CYTH3: variants seen among roughly 807,000 people sequenced by gnomAD.
CYTH3 encodes the protein cytohesin 3.
Under a neutral mutation model 55.1 loss-of-function variants are expected in CYTH3, and 23 were observed. The observed-to-expected ratio is 0.42, with a 90% CI of 0.30 to 0.59. The LOEUF is 0.59. CYTH3 is among the 20% of genes least tolerant of loss of function. The pLI is 0.20. For synonymous variants in CYTH3, 249 were observed against 194.9 expected, an observed-to-expected ratio of 1.28 and a Z score of -2.31; for missense variants, 413 against 524.8, an observed-to-expected ratio of 0.79 and a Z score of 2.08.
intron 1 of CYTH3, among the ~76,000 whole-genome samples, chr7:6,253,917 C>T (rs1780036761): frequency 6.6e-6 from 1 of 151,704 alleles, no homozygotes; most frequent in South Asian, 2.1e-4. Context: ...CACTTGAACC[C>T]GGGAGGCAGC....
chr7:6,245,519 C>G (rs1348636369), intron 1 of CYTH3, among the ~76,000 whole-genome samples: 1 of 152,174 alleles, frequency 6.6e-6, no homozygotes, highest in Non-Finnish European at 1.5e-5. Flanking sequence ...CCAGCGGGAG[C>G]AGGCTTCTTC....
At chr7:6,262,072 G>T (rs57303756) in intron 1 of CYTH3, among the ~76,000 whole-genome samples, 2 of 152,120 alleles carry the variant, frequency 1.3e-5, no homozygotes, top group Non-Finnish European at 2.9e-5. Context: ...CTCAATAAAC[G>T]AGTTCAACAG....
intron 1 of CYTH3, among the ~76,000 whole-genome samples, chr7:6,224,436 C>G (rs1177030654): frequency 6.6e-6 from 1 of 152,102 alleles, no homozygotes; most frequent in Non-Finnish European, 1.5e-5. Context: ...AACTGGACAT[C>G]CGCATGCAAA....
chr7:6,175,235 G>A (rs1192327233), intron 5 of CYTH3, among the ~76,000 whole-genome samples: 2 of 152,130 alleles, frequency 1.3e-5, no homozygotes, highest in African/African-American at 2.4e-5. Flanking sequence ...GTGAAGCAGT[G>A]GGAGTGGGGA....
chr7:6,226,340 G>A (rs1779250465), intron 1 of CYTH3, among the ~76,000 whole-genome samples: 1 of 152,168 alleles, frequency 6.6e-6, no homozygotes, highest in Admixed American at 6.5e-5. Flanking sequence ...GTCTTCTGCA[G>A]ATTGGATACA....
chr7:6,224,534 G>A (rs185989102), intron 1 of CYTH3, among the ~76,000 whole-genome samples: 7 of 152,198 alleles, frequency 4.6e-5, no homozygotes, highest in East Asian at 3.9e-4. Context: ...CTAAAACTAG[G>A]ATGGCTATAC....
chr7:6,185,777 A>G (rs928469371), intron 4 of CYTH3, among the ~76,000 whole-genome samples: 3 of 152,086 alleles, frequency 2.0e-5, no homozygotes, highest in Non-Finnish European at 4.4e-5. Context: ...AGCAGGAAAT[A>G]ACGACATGCA....
At chr7:6,221,451 A>C (rs931694862) in intron 1 of CYTH3, among the ~76,000 whole-genome samples, 16 of 152,168 alleles carry the variant, frequency 1.1e-4, no homozygotes, top group African/African-American at 3.9e-4. Flanking sequence ...AGTAGGAGGG[A>C]GCCTGATAAC....
intron 1 of CYTH3, among the ~76,000 whole-genome samples, chr7:6,224,703 C>G (rs1244605120): frequency 6.6e-6 from 1 of 152,198 alleles, no homozygotes; most frequent in African/African-American, 2.4e-5. Context: ...AATTCTACTT[C>G]TACGTATATA....
chr7:6,193,133 C>G (rs1783843581), intron 1 of CYTH3, among the ~76,000 whole-genome samples: 1 of 152,156 alleles, frequency 6.6e-6, no homozygotes, highest in Non-Finnish European at 1.5e-5. Context: ...GATCCCACCA[C>G]TGCACTCTAG....
At chr7:6,203,438 T>C (rs1393211012) in intron 1 of CYTH3, among the ~76,000 whole-genome samples, 2 of 152,192 alleles carry the variant, frequency 1.3e-5, no homozygotes, top group Non-Finnish European at 2.9e-5. Context: ...AATAATCTGA[T>C]GAAGGATTAT....
intron 1 of CYTH3, among the ~76,000 whole-genome samples, chr7:6,240,234 T>C (rs924258640): frequency 5.8e-5 from 8 of 138,068 alleles, no homozygotes; most frequent in African/African-American, 2.0e-4. Flanking sequence ...GCCTGGGATG[T>C]GGAGGTTGCA....
intron 1 of CYTH3, among the ~76,000 whole-genome samples, chr7:6,250,368 A>G (rs1453087204): frequency 6.6e-6 from 1 of 152,240 alleles, no homozygotes; most frequent in East Asian, 1.9e-4. Flanking sequence ...AGAAAACACA[A>G]GCAAACCTAA....
intron 1 of CYTH3, among the ~76,000 whole-genome samples, chr7:6,232,426 A>C (rs1333372409): frequency 2.0e-5 from 3 of 152,116 alleles, no homozygotes; most frequent in Non-Finnish European, 4.4e-5. Context: ...GCTCCTTCTA[A>C]GGCTATCGTG....
chr7:6,249,602 A>T (rs1460754941), intron 1 of CYTH3, among the ~76,000 whole-genome samples: 1 of 152,202 alleles, frequency 6.6e-6, no homozygotes, highest in Non-Finnish European at 1.5e-5. Context: ...GCTCCTGCTT[A>T]CTCTAAACCC....
chr7:6,182,122 A>G (rs79590618), intron 4 of CYTH3, among the ~76,000 whole-genome samples: 64 of 152,164 alleles, frequency 4.2e-4, no homozygotes, highest in African/African-American at 1.4e-3. Context: ...ATCTAGGCTC[A>G]CTGCAACCTC....
In CYTH3 at chr7:6,162,342, C is replaced by T. The variant is rs2128533848; in HGVS notation, c.*2602G>A. The T allele has an allele frequency of 6.6e-6, 1 of 152,390 alleles. No individual in the cohort carries two copies. The allele number at this position is 152,390 out of a possible 1,614,324, so 9.4% of individuals were successfully genotyped here. On this transcript the variant is annotated 3_prime_UTR_variant, in exon 13 of 13. Transcript: ENST00000350796. ...CTCCCCGCGGGGCTCCCCTCACTGC[C>T]TCCTGGCCTCTGTCTCTGGAAAAAA...
intron 5 of CYTH3, 70 bp from the exon 6 acceptor site, chr7:6,173,803 T>G (rs540938401): frequency 4.5e-6 from 4 of 898,798 alleles, no homozygotes; most frequent in Non-Finnish European, 7.5e-6. Context: ...ATGCGGCTGA[T>G]GAATAATGTG....
rs1473823601 is a variant in CYTH3, at chr7:6,167,263, A to AG, written c.824-1454dup. 6.6e-6 allele frequency among the ~76,000 whole-genome samples: 1 copy of AG among 152,158 alleles called. No homozygotes were observed. Among genetic ancestry groups the AG allele is most frequent in the African/African-American group, 2.4e-5 (1 of 41,442 alleles). Reference sequence around the variant, plus strand: ...GCACACCAGGGAGGCCCAAGTCCACAGGGGAGGGCAGGAGACCCTGGGGGC... The same window carrying AG: ...GCACACCAGGGAGGCCCAAGTCCACAGGGGGAGGGCAGGAGACCCTGGGGGC... On this transcript the variant is annotated intron_variant, in intron 9 of 12. Coordinates refer to ENST00000350796, the MANE Select transcript of CYTH3 (RefSeq NM_004227.4). This position sits in a 1 kb window ranked among gnomAD's most constrained non-coding sequence, Gnocchi z 5.5.
Sources: gnomAD v4.1 joint callset for allele counts (sites outside exome capture counted in the v4.1 genomes callset) on GRCh38, gnomAD v4.1.1 for gene constraint, Gnocchi (gnomAD v3.1) non-coding constraint, MANE v1.5 for transcripts, NCBI Gene and HGNC (gene_info 2026-07-23, HGNC 2026-07-21) for gene names.